Variants in RNF180 observed in about 807,000 individuals in gnomAD.
RNF180 encodes the protein E3 ubiquitin-protein ligase RNF180.
In RNF180, 38 loss-of-function variants were observed where a neutral mutation model predicts 59.2. The observed-to-expected ratio is 0.64, with a 90% CI of 0.50 to 0.84. RNF180 has a LOEUF of 0.84. Ranked by LOEUF, RNF180 falls within the 40% of genes least tolerant of loss-of-function variation. RNF180 has a pLI of 0.00. For synonymous variants in RNF180, 262 were observed against 240.3 expected, an observed-to-expected ratio of 1.09 and a Z score of -0.84; for missense variants, 705 against 700.9, an observed-to-expected ratio of 1.01 and a Z score of -0.07.
At chr5:64,185,429 G>A (rs1750821217) in intron 1 of RNF180, among the ~76,000 whole-genome samples, 3 of 152,090 alleles carry the variant, frequency 2.0e-5, no homozygotes, top group Non-Finnish European at 4.4e-5. Flanking sequence ...ACTAGGGAAA[G>A]GGCAGAAGCT....
intron 5 of RNF180, among the ~76,000 whole-genome samples, chr5:64,234,380 C>T (rs1210227228): frequency 1.3e-5 from 2 of 151,748 alleles, no homozygotes; most frequent in South Asian, 2.1e-4. Flanking sequence ...GCAGGAGAAT[C>T]GCGTGAACCC....
chr5:64,299,629 T>C (rs1449883462), intron 5 of RNF180, among the ~76,000 whole-genome samples: 1 of 151,940 alleles, frequency 6.6e-6, no homozygotes, highest in Non-Finnish European at 1.5e-5. Context: ...AAAAGTATAT[T>C]TGTCCAAGCC....
At chr5:64,200,231 G>A (rs1341906015) in intron 1 of RNF180, among the ~76,000 whole-genome samples, 1 of 152,052 alleles carries the variant, frequency 6.6e-6, no homozygotes, top group Non-Finnish European at 1.5e-5. Context: ...CCAGGAATTT[G>A]ATACTAGCCT....
At chr5:64,341,853 G>A (rs1745367492) in intron 7 of RNF180, among the ~76,000 whole-genome samples, 1 of 152,112 alleles carries the variant, frequency 6.6e-6, no homozygotes, top group Non-Finnish European at 1.5e-5. Flanking sequence ...AAAATGTTAT[G>A]AAAAGTTATA....
rs368227819 is a variant in RNF180, at chr5:64,346,097, T to G, written c.1579+15691T>G. Among the ~76,000 whole-genome samples, 108 of 152,156 alleles carry G rather than the reference T, an allele frequency of 7.1e-4. 1 individual carries two copies. The South Asian group carries it at 0.021, about 29-fold the overall frequency. ...AAGAGGTAAAGAACTCCAGGAGAGA[T>G]AACCATCAGCATTCATAATCTTAAT... On this transcript the variant is annotated intron_variant, in intron 7 of 7. Coordinates refer to ENST00000389100, the MANE Select transcript of RNF180 (RefSeq NM_001113561.2).
rs2112522779 is a variant in RNF180, at chr5:64,325,312, T to C, written c.1354T>C (p.Phe452Leu). 6.4e-7 allele frequency: 1 copy of C among 1,551,658 alleles called. No individual in the cohort carries two copies. Among genetic ancestry groups the C allele is most frequent in the South Asian group, 1.2e-5 (1 of 84,062 alleles). Residue 452 changes from phenylalanine to leucine, a missense_variant, in exon 6 of 8, where the codon TTC becomes CTC. Physicochemically the swap from Phe to Leu is conservative, Grantham distance 22. Transcript: ENST00000389100. ...TATGTGTTACCCTTGCCATCACATC[T>C]TCTGTGAGCCCTGCTTACGGACTCT... The part of the protein sequence containing the change: ...PYMCYPCHHI[F>L]CEPCLRTLAK...
rs573993272 is a variant in RNF180, at chr5:64,257,494, C to T, written c.1227+40098C>T. ...TTTTGTCTTTGGTTCTGTTTATATG[C>T]TGGATTACATTTATTGATTTGCGTA... is the stretch of plus-strand genomic sequence containing the variant. On this transcript the variant is annotated intron_variant, in intron 5 of 7. Coordinates refer to ENST00000389100, the MANE Select transcript of RNF180 (RefSeq NM_001113561.2). Among the ~76,000 whole-genome samples, 17 of 152,172 alleles carry T rather than the reference C, an allele frequency of 1.1e-4. No individual in the cohort carries two copies. The South Asian group carries it at 1.7e-3, about 15-fold the overall frequency.
intron 5 of RNF180, among the ~76,000 whole-genome samples, chr5:64,223,860 G>A (rs969475586): frequency 1.3e-5 from 2 of 152,062 alleles, no homozygotes; most frequent in Non-Finnish European, 2.9e-5. Flanking sequence ...TGGAAGTAGA[G>A]GGGGGGAGAC....
chr5:64,239,323 T>G (rs1238924014), intron 5 of RNF180, among the ~76,000 whole-genome samples: 1 of 152,178 alleles, frequency 6.6e-6, no homozygotes, highest in African/African-American at 2.4e-5. Context: ...TCATATGCTC[T>G]TTAATGTTTG....
At chr5:64,169,961 T>C (rs1372038350) in intron 1 of RNF180, among the ~76,000 whole-genome samples, 14 of 152,272 alleles carry the variant, frequency 9.2e-5, no homozygotes, top group African/African-American at 3.4e-4. Flanking sequence ...GGCAGTGTTC[T>C]CTTTAATCTA....
chr5:64,172,961 G>T (rs1353465613), intron 1 of RNF180, among the ~76,000 whole-genome samples: 1 of 152,184 alleles, frequency 6.6e-6, no homozygotes, highest in Non-Finnish European at 1.5e-5. Context: ...GGGGACCTGG[G>T]ATAAAAGAGT....
upstream of RNF180, among the ~76,000 whole-genome samples, chr5:64,165,373 A>C (rs1392952568): frequency 6.6e-6 from 1 of 152,190 alleles, no homozygotes; most frequent in Non-Finnish European, 1.5e-5. Flanking sequence ...AACTTTAGGC[A>C]CAAGAAGGTA....
intron 7 of RNF180, among the ~76,000 whole-genome samples, chr5:64,345,710 A>G (rs536423818): frequency 3.4e-4 from 52 of 152,198 alleles, no homozygotes; most frequent in Admixed American, 3.0e-3. Flanking sequence ...GGAACACATT[A>G]TAAACAATTT....
chr5:64,177,526 C>CATATATATATATATATATAT (rs58046669), intron 1 of RNF180, among the ~76,000 whole-genome samples: 2 of 105,238 alleles, frequency 1.9e-5, no homozygotes, highest in Admixed American at 1.0e-4. Flanking sequence ...TAAATTATGC[C>CATATATATATATATATATAT]ATATATATAT....
intron 5 of RNF180, among the ~76,000 whole-genome samples, chr5:64,229,396 ACAAT>A (rs1209836617): frequency 5.9e-5 from 9 of 152,314 alleles, no homozygotes; most frequent in South Asian, 4.1e-4. Context: ...CTAGAGCAAA[ACAAT>A]CAATGTTTTC....
intron 5 of RNF180, among the ~76,000 whole-genome samples, chr5:64,267,786 A>G (rs1426299162): frequency 6.6e-6 from 1 of 152,110 alleles, no homozygotes; most frequent in African/African-American, 2.4e-5. Flanking sequence ...GTATCTAGTT[A>G]TGGCTGTAAT....
At chr5:64,194,574 C>T (rs1663103633) in intron 1 of RNF180, among the ~76,000 whole-genome samples, 1 of 152,188 alleles carries the variant, frequency 6.6e-6, no homozygotes, top group Non-Finnish European at 1.5e-5. Context: ...CCTGAGGACT[C>T]GCCATACTGA....
At chr5:64,333,753 C>T (rs1239486300) in intron 7 of RNF180, among the ~76,000 whole-genome samples, 1 of 152,192 alleles carries the variant, frequency 6.6e-6, no homozygotes, top group East Asian at 1.9e-4. Context: ...TTCTTGTCTT[C>T]CCCATAGGAG....
chr5:64,304,571 A>G (rs1417884565), intron 5 of RNF180, among the ~76,000 whole-genome samples: 1 of 151,670 alleles, frequency 6.6e-6, no homozygotes, highest in Non-Finnish European at 1.5e-5. Flanking sequence ...AGAGACCTAG[A>G]ATTAGAAGAG....
Sources: gnomAD v4.1 joint callset for allele counts (sites outside exome capture counted in the v4.1 genomes callset) on GRCh38, gnomAD v4.1.1 for gene constraint, MANE v1.5 for transcripts, NCBI Gene and HGNC (gene_info 2026-07-23, HGNC 2026-07-21) for gene names.